The following XIRP2 variants were observed in gnomAD, a reference collection of about 807,000 sequenced individuals.
XIRP2 encodes xin actin binding repeat containing 2.
Under a neutral mutation model 277.0 loss-of-function variants are expected in XIRP2, and 236 were observed. The observed-to-expected ratio is 0.85, with a 90% CI of 0.77 to 0.95. The LOEUF (loss-of-function observed/expected upper bound fraction) is 0.95. Among genes scored for constraint, XIRP2 ranks in the 40% least tolerant of loss-of-function variants. The pLI is 0.00. For missense variants in XIRP2, 4,640 were observed against 4,157.5 expected (o/e 1.12, Z -3.19); for synonymous variants, 1,490 against 1,416.5 (o/e 1.05, Z -1.17).
chr2:167,245,955 T>G lies in XIRP2; in HGVS notation c.4563T>G (p.Asp1521Glu). The change falls in exon 9 of 11, where the codon GAT becomes GAG. Residue 1521 changes from aspartate (D) to glutamate (E), a missense_variant. Physicochemically the swap from Asp to Glu is conservative, Grantham distance 45. Transcript: ENST00000409195. The stretch of plus-strand genomic sequence containing the variant: ...CCAAGGAAGAAATCCCTCCTTCTGA[T>G]GTCAAAACAACCACATGGCTCTTTG... ...KMTKEEIPPS[D>E]VKTTTWLFET... 1.9e-6 allele frequency: 3 copies of G among 1,613,706 alleles called. No homozygotes were observed. Among genetic ancestry groups the G allele is most frequent in the Non-Finnish European group, 1.7e-6 (2 of 1,179,750 alleles).
At chr2:166,933,617 A>G (rs1685411752) in intron 2 of XIRP2, among the ~76,000 whole-genome samples, 1 of 152,046 alleles carries the variant, frequency 6.6e-6, no homozygotes, top group South Asian at 2.1e-4. Context: ...ATTCATTCCA[A>G]TTAAAATTCC....
intron 3 of XIRP2, among the ~76,000 whole-genome samples, chr2:167,162,665 T>C (rs1692405507): frequency 6.6e-6 from 1 of 152,196 alleles, no homozygotes; most frequent in African/African-American, 2.4e-5. Flanking sequence ...AGTTTAATAT[T>C]CTGCTTTTCG....
At chr2:166,928,188 G>A (rs1421740080) in intron 2 of XIRP2, among the ~76,000 whole-genome samples, 2 of 152,092 alleles carry the variant, frequency 1.3e-5, no homozygotes, top group East Asian at 1.9e-4. Flanking sequence ...TTAAAGATAA[G>A]TTGGCTATTC....
intron 3 of XIRP2, chr2:167,187,597 C>T: frequency 1.0e-6 from 1 of 961,314 alleles, no homozygotes; most frequent in Non-Finnish European, 1.2e-6. Context: ...TCACTGGTTA[C>T]TTAAGGTCAA....
chr2:166,936,166 T>C (rs999188779), intron 2 of XIRP2, among the ~76,000 whole-genome samples: 6 of 152,264 alleles, frequency 3.9e-5, no homozygotes, highest in African/African-American at 1.4e-4. Flanking sequence ...TGGCCAGTGA[T>C]GATGAGCATT....
chr2:166,987,730 G>T (rs1687044191), intron 2 of XIRP2, among the ~76,000 whole-genome samples: 1 of 152,100 alleles, frequency 6.6e-6, no homozygotes, highest in Non-Finnish European at 1.5e-5. Context: ...GTTTGGAAGT[G>T]CTCAAAAAAT....
At chr2:167,252,291 T>A (rs1385162207) in intron 9 of XIRP2, among the ~76,000 whole-genome samples, 4 of 152,002 alleles carry the variant, frequency 2.6e-5, no homozygotes, top group Non-Finnish European at 5.9e-5. Context: ...ATAAATAATA[T>A]CCTTTGGCCT....
chr2:166,974,790 A>G (rs1012348362), intron 2 of XIRP2, among the ~76,000 whole-genome samples: 1 of 152,072 alleles, frequency 6.6e-6, no homozygotes, highest in Non-Finnish European at 1.5e-5. Flanking sequence ...ATCCAAGCAT[A>G]TCAATGAGAA....
rs555992815 is a variant in XIRP2, at chr2:167,248,507, C to A, written c.7115C>A (p.Pro2372Gln). 20 of 1,613,752 alleles carry A rather than the reference C, an allele frequency of 1.2e-5. 1 individual carries two copies. In the African/African-American group the frequency reaches 1.9e-4, roughly 15 times the overall value. ...MFLPPPPPPTPSQKPAHLLSS... is the reference protein window; with the variant it reads ...MFLPPPPPPTQSQKPAHLLSS... ...CTGCCGCCTCCTCCTCCTCCAACTC[C>A]ATCTCAAAAGCCAGCACATCTCCTT... is the stretch of plus-strand genomic sequence containing the variant. Residue 2372 changes from proline (P) to glutamine (Q), a missense_variant, in exon 9 of 11, where the codon CCA becomes CAA. Coordinates refer to ENST00000409195, the MANE Select transcript of XIRP2 (RefSeq NM_152381.6).
At chr2:166,973,634 C>T (rs1686631807) in intron 2 of XIRP2, among the ~76,000 whole-genome samples, 1 of 152,154 alleles carries the variant, frequency 6.6e-6, no homozygotes, top group Non-Finnish European at 1.5e-5. Flanking sequence ...GTAATGTCAG[C>T]ATCACATGGA....
chr2:167,046,570 C>T (rs920345202), intron 2 of XIRP2, among the ~76,000 whole-genome samples: 6 of 151,980 alleles, frequency 3.9e-5, no homozygotes, highest in Admixed American at 2.0e-4. Context: ...AGTACATATA[C>T]ACCATGGAAT....
At position 167,249,635 on chromosome 2, in the gene XIRP2, A is replaced by G. The variant is rs1695405490; in HGVS notation, c.8243A>G (p.Tyr2748Cys). ...IDVQTFTKKQ[Y>C]LKTKKTEAST... is the part of the protein sequence containing the mutation. ...GTTCAAACCTTTACCAAAAAACAATATCTGAAAACCAAGAAAACTGAAGCA... is the reference window on the plus strand; with the variant it reads ...GTTCAAACCTTTACCAAAAAACAATGTCTGAAAACCAAGAAAACTGAAGCA... The change falls in exon 9 of 11, where the codon TAT becomes TGT. Residue 2748 changes from tyrosine to cysteine, a missense_variant. Tyr to Cys is a radical substitution (Grantham distance 194, BLOSUM62 -2). Coordinates refer to ENST00000409195, the MANE Select transcript of XIRP2 (RefSeq NM_152381.6). 1 of 1,613,602 alleles carries G rather than the reference A, an allele frequency of 6.2e-7. No individual in the cohort carries two copies. Among genetic ancestry groups the G allele is most frequent in the South Asian group, 1.1e-5 (1 of 91,078 alleles).
At chr2:167,087,257 A>G (rs1408737100) in intron 2 of XIRP2, among the ~76,000 whole-genome samples, 3 of 152,234 alleles carry the variant, frequency 2.0e-5, no homozygotes, top group Non-Finnish European at 2.9e-5. Context: ...GGCTGCTCGG[A>G]GGTCAGGGGT....
chr2:167,082,998 T>G (rs1038034775), intron 2 of XIRP2, among the ~76,000 whole-genome samples: 10 of 152,240 alleles, frequency 6.6e-5, no homozygotes, highest in Admixed American at 1.3e-4. Context: ...TTTTGGTGTT[T>G]TAGACATGAA....
chr2:167,178,891 T>C (rs914203688), intron 3 of XIRP2, among the ~76,000 whole-genome samples: 8 of 152,160 alleles, frequency 5.3e-5, no homozygotes, highest in Non-Finnish European at 1.2e-4. Flanking sequence ...CACAGAGTTG[T>C]TCAATAAACA....
intron 2 of XIRP2, among the ~76,000 whole-genome samples, chr2:166,959,320 C>A (rs1400267023): frequency 6.6e-6 from 1 of 151,856 alleles, no homozygotes; most frequent in African/African-American, 2.4e-5. Context: ...AGAGACCTTC[C>A]ATGGACAAGT....
At chr2:167,234,995 G>A (rs149728206) in intron 5 of XIRP2, among the ~76,000 whole-genome samples, 1 of 151,984 alleles carries the variant, frequency 6.6e-6, no homozygotes, top group East Asian at 1.9e-4. Context: ...TTAGCATCAT[G>A]AATATCTTTT....
chr2:167,028,200 T>C (rs781080845), intron 2 of XIRP2, among the ~76,000 whole-genome samples: 3 of 152,062 alleles, frequency 2.0e-5, no homozygotes, highest in Non-Finnish European at 4.4e-5. Context: ...TATTAAGCAG[T>C]TTATTTGCAA....
In XIRP2 at chr2:167,248,688, T is replaced by A. The variant is rs759822592; in HGVS notation, c.7296T>A (p.His2432Gln). The change falls in exon 9 of 11, where the codon CAT (histidine) becomes CAA (glutamine). Residue 2432 changes from histidine to glutamine, a missense_variant. Coordinates refer to ENST00000409195, the MANE Select transcript of XIRP2 (RefSeq NM_152381.6). ...TGCCCAAACCCAAACTTCCCAAGCA[T>A]ATAAAAGATAATAAGAACGATTTTT... Reference protein sequence around the residue: ...PTLPKPKLPKHIKDNKNDFSP... With the variant: ...PTLPKPKLPKQIKDNKNDFSP... The A allele has an allele frequency of 1.2e-6, 2 of 1,613,714 alleles. No individual in the cohort carries two copies. Among genetic ancestry groups the A allele is most frequent in the Admixed American group, 3.3e-5 (2 of 59,954 alleles).
Sources: allele counts gnomAD v4.1 joint callset (sites outside exome capture counted in the v4.1 genomes callset), GRCh38; gene constraint gnomAD v4.1.1; transcripts MANE v1.5; gene names NCBI Gene and HGNC (gene_info 2026-07-23, HGNC 2026-07-21).